Variants in CNTN4 observed in about 807,000 individuals in gnomAD.
CNTN4 encodes the protein contactin 4.
A neutral mutation model predicts 122.5 loss-of-function variants in CNTN4; 77 were observed. The ratio of observed to expected loss-of-function variants is 0.63; its 90% CI spans 0.52 to 0.76. The LOEUF (loss-of-function observed/expected upper bound fraction) is 0.76. Ranked by LOEUF, CNTN4 falls within the 30% of genes least tolerant of loss-of-function variation. The pLI is 0.00. For missense variants in CNTN4, 1,256 were observed against 1,259.1 expected (o/e 1.00, Z 0.04); for synonymous variants, 512 against 447.0 (o/e 1.15, Z -1.83).
rs142501486 is a variant in CNTN4 at position 2,627,579 on chromosome 3, C to T, written c.55+56021C>T. On this transcript the variant is annotated intron_variant, in intron 4 of 24. Coordinates refer to ENST00000418658, the MANE Select transcript of CNTN4 (RefSeq NM_175607.3). ...CGCAATCTCGGCTCACTGCAAGCTC[C>T]GCCTCCTGGGTTCAGGCCATTCTCC... is the stretch of plus-strand genomic sequence containing the variant. Among the ~76,000 whole-genome samples the T allele has an allele frequency of 7.5e-4, 113 of 151,188 alleles. 1 individual carries two copies. Among genetic ancestry groups the T allele is most frequent in the African/African-American group, 2.2e-3 (92 of 41,150 alleles).
intron 2 of CNTN4, among the ~76,000 whole-genome samples, chr3:2,202,854 T>C (rs2038163474): frequency 2.0e-5 from 3 of 151,906 alleles, no homozygotes; most frequent in Admixed American, 2.0e-4. Context: ...GATGGTGTCT[T>C]ACTCTGTCAC....
At chr3:2,776,451 A>T (rs988469809) in intron 6 of CNTN4, among the ~76,000 whole-genome samples, 1 of 152,150 alleles carries the variant, frequency 6.6e-6, no homozygotes, top group African/African-American at 2.4e-5. Context: ...GAATAAGGAA[A>T]TAAGGTAGGA....
chr3:2,952,824 G>C (rs1172991386), intron 13 of CNTN4, among the ~76,000 whole-genome samples: 4 of 152,112 alleles, frequency 2.6e-5, no homozygotes, highest in African/African-American at 4.8e-5. Context: ...CCAACTATGG[G>C]AATTACCAAG....
intron 4 of CNTN4, among the ~76,000 whole-genome samples, chr3:2,592,732 A>C (rs985961327): frequency 6.6e-6 from 1 of 152,224 alleles, no homozygotes; most frequent in African/African-American, 2.4e-5. Context: ...CATCTTGGGC[A>C]TGTCTTCATC....
At chr3:2,463,669 G>C (rs2075399244) in intron 3 of CNTN4, among the ~76,000 whole-genome samples, 1 of 152,124 alleles carries the variant, frequency 6.6e-6, no homozygotes, top group Non-Finnish European at 1.5e-5. Context: ...TGAGGCAGGA[G>C]AATTGGTTGA....
rs188134325 is a variant in CNTN4, at chr3:2,764,431, G to C, written c.358+18734G>C. Among the ~76,000 whole-genome samples, 31 of 152,322 alleles carry C rather than the reference G, an allele frequency of 2.0e-4. 2 individuals are homozygous for C. Among genetic ancestry groups the C allele is most frequent in the African/African-American group, 7.5e-4 (31 of 41,564 alleles). ...TGTACAAAGGTGCTGTGGTGGCATA[G>C]AGCATGGTATTTTCAAGGGATTCGA... On this transcript the variant is annotated intron_variant, in intron 6 of 24. Transcript: ENST00000418658.
At chr3:3,039,247 C>G (rs1292931432) in intron 19 of CNTN4, 3 of 448,726 alleles carry the variant, frequency 6.7e-6, no homozygotes, top group African/African-American at 5.9e-5. Context: ...GAAGACAACA[C>G]ACGTTACAAA....
intron 2 of CNTN4, among the ~76,000 whole-genome samples, chr3:2,248,732 C>T (rs1376639377): frequency 6.6e-6 from 1 of 151,934 alleles, no homozygotes; most frequent in African/African-American, 2.4e-5. Context: ...AAAATAGCCA[C>T]TTAGTGGCTT....
At chr3:2,601,790 A>C (rs574382509) in intron 4 of CNTN4, among the ~76,000 whole-genome samples, 53 of 152,274 alleles carry the variant, frequency 3.5e-4, no homozygotes, top group Non-Finnish European at 5.9e-4. Context: ...ACACAACAAA[A>C]AAAGAGAATT....
At chr3:2,507,617 C>T (rs2076767280) in intron 3 of CNTN4, among the ~76,000 whole-genome samples, 1 of 151,578 alleles carries the variant, frequency 6.6e-6, no homozygotes, top group Non-Finnish European at 1.5e-5. Flanking sequence ...CGCCTGTAAT[C>T]CCAGCTACTC....
chr3:2,549,991 G>A (rs550790501), intron 3 of CNTN4, among the ~76,000 whole-genome samples: 2 of 152,222 alleles, frequency 1.3e-5, no homozygotes, highest in African/African-American at 2.4e-5. Context: ...TTGCGTAGAG[G>A]TGTTTATACT....
At chr3:2,876,211 C>T (rs1488287684) in intron 8 of CNTN4, among the ~76,000 whole-genome samples, 1 of 152,174 alleles carries the variant, frequency 6.6e-6, no homozygotes, top group African/African-American at 2.4e-5. Flanking sequence ...GTTGTTGCCC[C>T]ATACTCTGGG....
At chr3:2,470,108 C>T (rs2151494641) in intron 3 of CNTN4, among the ~76,000 whole-genome samples, 1 of 152,024 alleles carries the variant, frequency 6.6e-6, no homozygotes, top group African/African-American at 2.4e-5. Context: ...CTCTCTCGCC[C>T]AGGCTGGAGT....
At chr3:2,963,439 C>G (rs1162879467) in intron 13 of CNTN4, among the ~76,000 whole-genome samples, 2 of 152,050 alleles carry the variant, frequency 1.3e-5, no homozygotes, top group Non-Finnish European at 2.9e-5. Flanking sequence ...TGATCTAGCC[C>G]AAACCTTAGC....
chr3:2,543,884 G>C (rs528738414), intron 3 of CNTN4, among the ~76,000 whole-genome samples: 178 of 152,168 alleles, frequency 1.2e-3, no homozygotes, highest in African/African-American at 4.1e-3. Context: ...TTTCCACACA[G>C]TGGACTTTTA....
At chr3:2,631,845 A>G (rs1450194728) in intron 4 of CNTN4, among the ~76,000 whole-genome samples, 3 of 146,392 alleles carry the variant, frequency 2.0e-5, no homozygotes, top group African/African-American at 7.8e-5. Context: ...CTTGGGCAAC[A>G]TAGGGAGACC....
intron 2 of CNTN4, among the ~76,000 whole-genome samples, chr3:2,219,433 G>A (rs577068829): frequency 6.3e-4 from 96 of 152,146 alleles, no homozygotes; most frequent in Middle Eastern, 6.8e-3. Context: ...ATACCTTTCA[G>A]TGTTACAGAA....
chr3:2,733,351 C>G lies in CNTN4; in HGVS notation c.56-2864C>G, dbSNP rs185773463. Among the ~76,000 whole-genome samples, 6 of 152,192 alleles carry G rather than the reference C, an allele frequency of 3.9e-5. No individual in the cohort carries two copies. The East Asian group carries it at 5.8e-4, about 15-fold the overall frequency. On this transcript the variant is annotated intron_variant, in intron 4 of 24. Transcript: ENST00000418658. ...TTGACGAATAACATGTTTCATTTAC[C>G]TAGATGTGCCAAAAATCACTTAATT...
At chr3:2,827,413 A>G (rs2093009604) in intron 7 of CNTN4, among the ~76,000 whole-genome samples, 1 of 152,226 alleles carries the variant, frequency 6.6e-6, no homozygotes, top group Non-Finnish European at 1.5e-5. Flanking sequence ...TCCTGATTTT[A>G]TTAATTAGGC....
Sources: allele counts gnomAD v4.1 joint callset (sites outside exome capture counted in the v4.1 genomes callset), GRCh38; gene constraint gnomAD v4.1.1; transcripts MANE v1.5; gene names NCBI Gene and HGNC (gene_info 2026-07-23, HGNC 2026-07-21).